DYM: variants seen among roughly 807,000 people sequenced by gnomAD.
DYM encodes dyggve-Melchior-Clausen syndrome protein.
In DYM, 78 loss-of-function variants were observed where a neutral mutation model predicts 93.1. The ratio of observed to expected loss-of-function variants is 0.84; its 90% CI spans 0.70 to 1.01. The LOEUF (loss-of-function observed/expected upper bound fraction) is 1.01, where lower values mean the gene tolerates loss of function less well. Ranked by LOEUF, DYM falls within the 50% of genes least tolerant of loss-of-function variation. The pLI is 0.00. For synonymous variants in DYM, 321 were observed against 319.7 expected (o/e 1.00, Z -0.04); for missense variants, 789 against 845.0 (o/e 0.93, Z 0.82).
At chr18:49,282,424 C>T (rs1333644580) in intron 9 of DYM, among the ~76,000 whole-genome samples, 1 of 152,046 alleles carries the variant, frequency 6.6e-6, no homozygotes, top group Non-Finnish European at 1.5e-5. Flanking sequence ...ACCAGGCTGA[C>T]CAACATGGTG....
intron 15 of DYM, among the ~76,000 whole-genome samples, chr18:49,145,996 G>A (rs547889368): frequency 6.6e-6 from 1 of 151,560 alleles, no homozygotes; most frequent in African/African-American, 2.4e-5. Context: ...TAGTTTAATT[G>A]TCATTTTCTA....
rs192550532 is a variant in DYM at position 49,097,618 on chromosome 18, A to G, written c.1912-103T>C. On this transcript the variant is annotated intron_variant, in intron 16 of 17. Transcript: ENST00000675505. Reference sequence around the variant, plus strand: ...GTCAAACTATCATGATTCCATTCCTACAGTGACCCGGCTTTTAATTCACTA... The same window carrying G: ...GTCAAACTATCATGATTCCATTCCTGCAGTGACCCGGCTTTTAATTCACTA... 4.0e-5 allele frequency: 41 copies of G among 1,030,660 alleles called. 1 individual carries two copies. The African/African-American group carries it at 5.4e-4, about 13-fold the overall frequency. 63.8% of individuals were successfully genotyped at this position (1,030,660 alleles called of 1,614,324 possible).
chr18:49,454,016 C>A (rs1845690585), intron 1 of DYM, among the ~76,000 whole-genome samples: 1 of 152,186 alleles, frequency 6.6e-6, no homozygotes, highest in South Asian at 2.1e-4. Context: ...TACAACCCAT[C>A]AGAATAGCAA....
chr18:49,433,478 T>C lies in DYM; in HGVS notation c.-53-3031A>G, dbSNP rs546876812. Among the ~76,000 whole-genome samples, 7 of 152,256 alleles carry C rather than the reference T, an allele frequency of 4.6e-5. No homozygotes were observed. The South Asian group carries it at 1.5e-3, about 32-fold the overall frequency. ...GAAGATTCCAGAAGCAGCAGCAGGA[T>C]TGGTGGTCTACGAGTGCTAAACCTT... On this transcript the variant is annotated intron_variant, in intron 1 of 17. Transcript: ENST00000675505.
At chr18:49,381,913 GA>G (rs148954978) in intron 3 of DYM, among the ~76,000 whole-genome samples, 49 of 133,970 alleles carry the variant, frequency 3.7e-4, no homozygotes, top group East Asian at 4.4e-4. Context: ...AACTTTTTAA[GA>G]AAAAAAAAAA....
chr18:49,206,293 C>T (rs995757580), intron 14 of DYM, among the ~76,000 whole-genome samples: 2 of 152,090 alleles, frequency 1.3e-5, no homozygotes, highest in Admixed American at 1.3e-4. Context: ...CCACCGCGCC[C>T]AGCTGGTAAA....
chr18:49,083,347 G>C (rs773620727), intron 17 of DYM, among the ~76,000 whole-genome samples: 1 of 152,054 alleles, frequency 6.6e-6, no homozygotes, highest in Non-Finnish European at 1.5e-5. Flanking sequence ...TGTATTCCTG[G>C]GATAAATCTG....
intron 16 of DYM, among the ~76,000 whole-genome samples, chr18:49,101,975 G>T (rs1046744772): frequency 1.3e-5 from 2 of 152,180 alleles, no homozygotes; most frequent in African/African-American, 4.8e-5. Flanking sequence ...AATGTGACTT[G>T]TAAAACACTC....
chr18:49,209,679 C>A lies in DYM; in HGVS notation c.1497G>T (p.Val499=). The A allele has an allele frequency of 7.8e-7, 1 of 1,287,894 alleles. No homozygotes were observed. The highest frequency in any genetic ancestry group is 1.0e-6 in the Non-Finnish European group (1 of 987,908). The allele number at this position is 1,287,894 out of a possible 1,614,324, so 79.8% of individuals were successfully genotyped here. ...TCRHLRRYVY[V]LDKLYFPHSH... is the part of the protein sequence containing the mutation. ...AGTGGGGGAAATACAGTTTGTCCAA[C>A]ACATAAACATATCTCCGCAAGTGGC... Residue 499 remains valine (V), a synonymous_variant, in exon 14 of 18, where the codon GTG becomes GTT. Transcript: ENST00000675505.
intron 5 of DYM, among the ~76,000 whole-genome samples, chr18:49,369,517 T>G (rs1169111905): frequency 5.3e-5 from 8 of 152,208 alleles, no homozygotes; most frequent in Non-Finnish European, 1.2e-4. Context: ...TCTCCAACCT[T>G]GAAGCCATTT....
At chr18:49,347,657 A>G (rs2064715484) in intron 6 of DYM, among the ~76,000 whole-genome samples, 1 of 152,234 alleles carries the variant, frequency 6.6e-6, no homozygotes, top group Non-Finnish European at 1.5e-5. Context: ...GTAACTTTCT[A>G]TAATGCTCTT....
chr18:49,260,563 G>A (rs1466688081), intron 11 of DYM, among the ~76,000 whole-genome samples: 2 of 151,956 alleles, frequency 1.3e-5, no homozygotes, highest in Non-Finnish European at 2.9e-5. Flanking sequence ...AACATTCCAA[G>A]AAAAAAATCA....
intron 5 of DYM, among the ~76,000 whole-genome samples, chr18:49,376,292 A>C (rs1236404152): frequency 1.3e-5 from 2 of 152,256 alleles, no homozygotes; most frequent in Non-Finnish European, 2.9e-5. Flanking sequence ...AACACTTACG[A>C]AACAAACTTA....
chr18:49,317,688 CCTTT>C (rs762638420), intron 8 of DYM, among the ~76,000 whole-genome samples: 3,379 of 88,300 alleles, frequency 0.038, 421 homozygotes, highest in East Asian at 0.13. Flanking sequence ...TTCCTTCCTT[CCTTT>C]CTTTCTTTCT....
chr18:49,150,799 T>C (rs1018899138), intron 15 of DYM, among the ~76,000 whole-genome samples: 1 of 152,124 alleles, frequency 6.6e-6, no homozygotes. Flanking sequence ...TTTAAGATCA[T>C]AGAAGAGATT....
In DYM at chr18:49,272,358, G is replaced by A. The variant is rs141589743; in HGVS notation, c.1126-55C>T. 3.6e-5 allele frequency: 42 copies of A among 1,172,380 alleles called. No individual in the cohort carries two copies. The East Asian group carries it at 9.5e-4, about 26-fold the overall frequency. 72.6% of individuals were successfully genotyped at this position (1,172,380 alleles called of 1,614,324 possible). ...TCAATACTTCATTATAAATCCAAATGTTTTAAATCTTTACACTTTCATTTT... is the reference window on the plus strand; with the variant it reads ...TCAATACTTCATTATAAATCCAAATATTTTAAATCTTTACACTTTCATTTT... On this transcript the variant is annotated intron_variant, in intron 10 of 17. Coordinates refer to ENST00000675505, the MANE Select transcript of DYM (RefSeq NM_001353214.3).
chr18:49,149,195 C>T (rs754057166), intron 15 of DYM, among the ~76,000 whole-genome samples: 47 of 152,220 alleles, frequency 3.1e-4, no homozygotes, highest in Non-Finnish European at 2.6e-4. Context: ...GGTGGTGGAG[C>T]TCAGGAGGTA....
chr18:49,079,146 C>T (rs994800751), intron 17 of DYM, among the ~76,000 whole-genome samples: 11 of 152,046 alleles, frequency 7.2e-5, no homozygotes, highest in Admixed American at 1.3e-4. Context: ...TTCTATTTCT[C>T]GGCTGAGACA....
rs768078815 is a variant in DYM at position 49,097,474 on chromosome 18, A to G, written c.1953T>C (p.Ala651=). 1.2e-6 allele frequency: 2 copies of G among 1,614,022 alleles called. No individual in the cohort carries two copies. The highest frequency in any genetic ancestry group is 4.5e-5 in the East Asian group (2 of 44,886). Residue 651 remains alanine (A), a synonymous_variant, in exon 17 of 18, where the codon GCT becomes GCC. Transcript: ENST00000675505. ...FFSSRLLQAG[A]ELSVERVLEI... is the part of the protein sequence containing the mutation. ...CCAGGACCCGTTCCACTGACAGCTC[A>G]GCTCCAGCTTGCAGCAACCTTGAGC...
Sources: gnomAD v4.1 joint callset for allele counts (sites outside exome capture counted in the v4.1 genomes callset) on GRCh38, gnomAD v4.1.1 for gene constraint, MANE v1.5 for transcripts, NCBI Gene and HGNC (gene_info 2026-07-23, HGNC 2026-07-21) for gene names.